Variants in ARHGAP26 observed in about 807,000 individuals in gnomAD.
ARHGAP26 encodes rho GTPase-activating protein 26.
ARHGAP26 carries 38 observed loss-of-function variants against 104.8 expected under a neutral mutation model. That is an observed-to-expected ratio of 0.36 (90% CI 0.28 to 0.48). The LOEUF (loss-of-function observed/expected upper bound fraction) is 0.48. Among genes scored for constraint, ARHGAP26 ranks in the 20% least tolerant of loss-of-function variants. The probability of loss-of-function intolerance (pLI) is 0.99; values close to 1 mark genes in which losing one functional copy is unlikely to be tolerated. For synonymous variants in ARHGAP26, 341 were observed against 340.0 expected, an observed-to-expected ratio of 1.00 and a Z score of -0.03; for missense variants, 704 against 947.9, an observed-to-expected ratio of 0.74 and a Z score of 3.38.
chr5:143,195,077 C>G (rs928860844), intron 20 of ARHGAP26, among the ~76,000 whole-genome samples: 1 of 152,204 alleles, frequency 6.6e-6, no homozygotes, highest in Non-Finnish European at 1.5e-5. Context: ...GGCTGCTACT[C>G]GCTTGGAGGG....
intron 1 of ARHGAP26, among the ~76,000 whole-genome samples, chr5:142,856,326 C>T (rs568731136): frequency 2.6e-5 from 4 of 152,268 alleles, no homozygotes; most frequent in East Asian, 1.9e-4. Context: ...AGAGGCCTTT[C>T]GGGCCAAGGA....
At chr5:142,832,730 T>C (rs1768729717) in intron 1 of ARHGAP26, among the ~76,000 whole-genome samples, 1 of 152,132 alleles carries the variant, frequency 6.6e-6, no homozygotes, top group South Asian at 2.1e-4. Context: ...GGCATTGAGT[T>C]TACAAAGATC....
intron 20 of ARHGAP26, among the ~76,000 whole-genome samples, chr5:143,184,287 A>G (rs1174900605): frequency 6.6e-6 from 1 of 152,104 alleles, no homozygotes; most frequent in East Asian, 1.9e-4. Context: ...ACTCATTACA[A>G]ATATTCAGGC....
At chr5:143,170,910 C>T (rs1456344948) in intron 20 of ARHGAP26, among the ~76,000 whole-genome samples, 2 of 152,218 alleles carry the variant, frequency 1.3e-5, no homozygotes, top group Non-Finnish European at 1.5e-5. Context: ...TCTCTGGTAT[C>T]GTTCAAGTAT....
intron 20 of ARHGAP26, among the ~76,000 whole-genome samples, chr5:143,192,861 G>A (rs1343867641): frequency 6.6e-6 from 1 of 151,840 alleles, no homozygotes; most frequent in Non-Finnish European, 1.5e-5. Flanking sequence ...GCAGACAGAT[G>A]TTGGCCATGT....
chr5:142,776,000 CTATATT>C (rs1156415250), intron 1 of ARHGAP26, among the ~76,000 whole-genome samples: 1 of 152,142 alleles, frequency 6.6e-6, no homozygotes, highest in Admixed American at 6.5e-5. Context: ...CACAAGAACA[CTATATT>C]TATATTTATT....
chr5:142,863,109 T>G (rs2152314924), intron 1 of ARHGAP26, among the ~76,000 whole-genome samples: 1 of 151,864 alleles, frequency 6.6e-6, no homozygotes, highest in South Asian at 2.1e-4. Context: ...AAGTGAGGTT[T>G]TTTTTTTTTT....
At chr5:142,791,713 C>T (rs970965823) in intron 1 of ARHGAP26, among the ~76,000 whole-genome samples, 2 of 152,078 alleles carry the variant, frequency 1.3e-5, no homozygotes, top group African/African-American at 4.8e-5. Context: ...CCTGTAATCC[C>T]AGCACTTTGG....
At chr5:143,090,118 T>C (rs1791190449) in intron 17 of ARHGAP26, among the ~76,000 whole-genome samples, 1 of 152,214 alleles carries the variant, frequency 6.6e-6, no homozygotes, top group Non-Finnish European at 1.5e-5. Flanking sequence ...AACTTAGTGT[T>C]GGGAGACGGA....
chr5:143,059,870 A>G (rs1786438715), intron 17 of ARHGAP26, among the ~76,000 whole-genome samples: 2 of 152,142 alleles, frequency 1.3e-5, no homozygotes, highest in African/African-American at 2.4e-5. Context: ...GTATTAGACT[A>G]TAGCGGACTC....
At chr5:143,171,124 G>A (rs757998915) in intron 20 of ARHGAP26, among the ~76,000 whole-genome samples, 2 of 152,232 alleles carry the variant, frequency 1.3e-5, no homozygotes, top group Non-Finnish European at 2.9e-5. Flanking sequence ...AAAAGAATGG[G>A]AGGAATGTTT....
intron 12 of ARHGAP26, among the ~76,000 whole-genome samples, chr5:143,026,558 G>C (rs1159990110): frequency 1.3e-5 from 2 of 152,128 alleles, no homozygotes; most frequent in Non-Finnish European, 2.9e-5. Flanking sequence ...AGGCCCTGAG[G>C]TGACGTGAGC....
At chr5:142,926,109 G>C (rs712167) in intron 10 of ARHGAP26, among the ~76,000 whole-genome samples, 72,007 of 151,914 alleles carry the variant, frequency 0.47, 20,607 homozygotes, top group East Asian at 0.91. Flanking sequence ...GGCTGGTGAG[G>C]AGGCTATGAG....
At chr5:143,187,625 CCA>C (rs1214954170) in intron 20 of ARHGAP26, among the ~76,000 whole-genome samples, 1 of 152,182 alleles carries the variant, frequency 6.6e-6, no homozygotes, top group African/African-American at 2.4e-5. Flanking sequence ...TCAGAAAAGC[CCA>C]GTTTCCCGAC....
chr5:143,109,727 G>A (rs990980002), intron 17 of ARHGAP26, among the ~76,000 whole-genome samples: 1 of 151,968 alleles, frequency 6.6e-6, no homozygotes, highest in Non-Finnish European at 1.5e-5. Context: ...GGTGCAAGCC[G>A]CCACACCCGG....
chr5:142,783,273 C>T (rs1304544782), intron 1 of ARHGAP26, among the ~76,000 whole-genome samples: 1 of 152,232 alleles, frequency 6.6e-6, no homozygotes. Context: ...GCCAGTGTGG[C>T]TCCACGCCTG....
At chr5:143,219,255 A>G (rs750917902) in intron 22 of ARHGAP26, among the ~76,000 whole-genome samples, 24 of 152,252 alleles carry the variant, frequency 1.6e-4, no homozygotes, top group Non-Finnish European at 2.8e-4. Context: ...CAAAATACAG[A>G]TAATAATAAT....
chr5:143,033,297 A>G (rs1319542946), intron 12 of ARHGAP26, among the ~76,000 whole-genome samples: 2 of 152,268 alleles, frequency 1.3e-5, no homozygotes, highest in African/African-American at 2.4e-5. Flanking sequence ...TGGGAAAACC[A>G]AAGGAGGAAC....
At chr5:143,013,991 G>A (rs1779233069) in intron 11 of ARHGAP26, 89 bp from the exon 12 acceptor site, 2 of 1,327,696 alleles carry the variant, frequency 1.5e-6, no homozygotes, top group Non-Finnish European at 1.1e-6. Flanking sequence ...GTGCAAACTA[G>A]GGAAAGTGAG....
Sources: allele counts gnomAD v4.1 joint callset (sites outside exome capture counted in the v4.1 genomes callset), GRCh38; gene constraint gnomAD v4.1.1; transcripts MANE v1.5; gene names NCBI Gene and HGNC (gene_info 2026-07-23, HGNC 2026-07-21).